The following RPE65 variants were observed in gnomAD, a reference collection of about 807,000 sequenced individuals.
RPE65 encodes the protein retinoid isomerohydrolase RPE65, also known as retinoid isomerohydrolase.
RPE65 carries 58 observed loss-of-function variants against 68.5 expected under a neutral mutation model. The ratio of observed to expected loss-of-function variants is 0.85; its 90% CI spans 0.69 to 1.05. The LOEUF is 1.05. Among genes scored for constraint, RPE65 ranks in the 50% least tolerant of loss-of-function variants. The probability of loss-of-function intolerance (pLI) is 0.00; values close to 1 mark genes in which losing one functional copy is unlikely to be tolerated. For synonymous variants in RPE65, 220 were observed against 222.2 expected (o/e 0.99, Z 0.09); for missense variants, 643 against 629.9 (o/e 1.02, Z -0.22).
chr1:68,446,047 G>A (rs1645940987), intron 3 of RPE65, among the ~76,000 whole-genome samples: 2 of 151,986 alleles, frequency 1.3e-5, no homozygotes, highest in South Asian at 4.2e-4. Context: ...GCTTGAACAC[G>A]AAAGCAGAAG....
intron 1 of RPE65, among the ~76,000 whole-genome samples, chr1:68,449,686 G>A (rs529971430): frequency 7.2e-5 from 11 of 152,114 alleles, no homozygotes; most frequent in South Asian, 4.2e-4. Flanking sequence ...TCCAAACCCC[G>A]GGCTAAGTCA....
In RPE65 at chr1:68,440,931, C is replaced by T. The variant is rs752990312; in HGVS notation, c.565G>A (p.Val189Ile). The stretch of plus-strand genomic sequence containing the variant: ...CCAAAGCAATTACCAATATTGTAAA[C>T]GGTTCCATCATTTTCAATGTGGGGG... ...AHPHIENDGT[V>I]YNIGNCFGKN... is the part of the protein sequence containing the mutation. Residue 189 changes from valine to isoleucine, a missense_variant, in exon 6 of 14, where the codon GTT becomes ATT. Val to Ile is a conservative substitution (Grantham distance 29). Coordinates refer to ENST00000262340, the MANE Select transcript of RPE65 (RefSeq NM_000329.3). 8.2e-5 allele frequency: 133 copies of T among 1,613,804 alleles called. 1 individual carries two copies. The highest frequency in any genetic ancestry group is 8.2e-4 in the Middle Eastern group (5 of 6,084).
intron 5 of RPE65, among the ~76,000 whole-genome samples, chr1:68,441,684 T>C (rs928621534): frequency 1.3e-5 from 2 of 152,158 alleles, no homozygotes; most frequent in African/African-American, 4.8e-5. Context: ...AAGTGTCTTG[T>C]TTAAGGATAA....
chr1:68,430,887 C>G (rs1413996891), intron 13 of RPE65, among the ~76,000 whole-genome samples, 178 bp downstream of exon 13: 1 of 152,088 alleles, frequency 6.6e-6, no homozygotes, highest in Non-Finnish European at 1.5e-5. Flanking sequence ...TCAACAAGAC[C>G]TGATCAAAAG....
Position 68,438,238 on chromosome 1 carries a change from C to G in RPE65, c.1077G>C (p.Lys359Asn), listed in dbSNP as rs559544081. Residue 359 changes from lysine to asparagine, a missense_variant, in exon 10 of 14, where the codon AAG (lysine) becomes AAC (asparagine). Physicochemically the swap from Lys to Asn is moderately conservative, Grantham distance 94. Transcript: ENST00000262340. ...ATCTCCTAACTTCAGGTTGGGGAGC[C>G]TTTCTGGCATTTTTTTTCACCTCTT... ...NWEEVKKNAR[K>N]APQPEVRRYV... The G allele has an allele frequency of 1.2e-6, 2 of 1,613,896 alleles. No homozygotes were observed. Among genetic ancestry groups the G allele is most frequent in the South Asian group, 1.1e-5 (1 of 91,080 alleles).
rs567413920 is a variant in RPE65, at chr1:68,435,670, T to A, written c.1128+2517A>T. Among the ~76,000 whole-genome samples, 175 of 152,358 alleles carry A rather than the reference T, an allele frequency of 1.1e-3. 1 individual carries two copies. The highest frequency in any genetic ancestry group is 4.1e-3 in the African/African-American group (169 of 41,584). On this transcript the variant is annotated intron_variant, in intron 10 of 13. Coordinates refer to ENST00000262340, the MANE Select transcript of RPE65 (RefSeq NM_000329.3). ...CTGTCTTTCCTCAAACTGTTCTTTCTGTCTTCAGTTGTTCTGCCTCAATCC... is the reference window on the plus strand; with the variant it reads ...CTGTCTTTCCTCAAACTGTTCTTTCAGTCTTCAGTTGTTCTGCCTCAATCC...
At chr1:68,445,600 G>A (rs188270712) in intron 3 of RPE65, among the ~76,000 whole-genome samples, 13 of 152,098 alleles carry the variant, frequency 8.5e-5, no homozygotes, top group Admixed American at 2.0e-4. Context: ...TGCAACCTCC[G>A]CCTCCTGGGT....
intron 10 of RPE65, among the ~76,000 whole-genome samples, chr1:68,432,452 A>C (rs542000817): frequency 2.0e-5 from 3 of 152,198 alleles, no homozygotes; most frequent in Non-Finnish European, 4.4e-5. Flanking sequence ...CAGAGGAGAC[A>C]AAACTCTTAG....
At chr1:68,444,316 ATGTGGCTCT>A (rs1645925671) in intron 5 of RPE65, among the ~76,000 whole-genome samples, 1 of 152,238 alleles carries the variant, frequency 6.6e-6, no homozygotes, top group Non-Finnish European at 1.5e-5. Context: ...TTGAAACTTA[ATGTGGCTCT>A]CATGTTCTTT....
chr1:68,443,963 A>G (rs1382559563), intron 5 of RPE65, among the ~76,000 whole-genome samples: 1 of 152,200 alleles, frequency 6.6e-6, no homozygotes, highest in Non-Finnish European at 1.5e-5. Context: ...AGAAGGGGCA[A>G]ATTAGTGCAA....
At chr1:68,431,648 G>C (rs1195087440) in intron 10 of RPE65, 63 bp from the exon 11 acceptor site, 1 of 1,382,326 alleles carries the variant, frequency 7.2e-7, no homozygotes, top group Non-Finnish European at 1.0e-6. Flanking sequence ...CAGAAATGCA[G>C]AGTTCTTAAG....
Position 68,444,584 on chromosome 1 carries a change from CTG to C in RPE65, c.440_441del (p.Thr147ArgfsTer9), listed in dbSNP as rs1201299067. The C allele has an allele frequency of 1.1e-5, 18 of 1,614,124 alleles. No homozygotes were observed. Among genetic ancestry groups the C allele is most frequent in the Non-Finnish European group, 1.4e-5 (16 of 1,180,016 alleles). ...YPVGEDYYAC[T>X]ETNFITKINP... Reference sequence around the variant, plus strand: ...TTAATCTTTGTAATAAAGTTGGTCTCTGTGCAAGCGTAGTAATCTTCCCCCAC... The same window carrying C: ...TTAATCTTTGTAATAAAGTTGGTCTCTGCAAGCGTAGTAATCTTCCCCCAC... On this transcript the variant is annotated frameshift_variant, in exon 5 of 14. Transcript: ENST00000262340. LOFTEE classifies it high-confidence loss of function.
intron 5 of RPE65, among the ~76,000 whole-genome samples, chr1:68,443,956 A>C (rs967323233): frequency 1.3e-4 from 20 of 152,322 alleles, no homozygotes; most frequent in African/African-American, 4.8e-4. Flanking sequence ...ATCTATAAGA[A>C]GGGGCAAATT....
At chr1:68,438,046 G>A in intron 10 of RPE65, 141 bp downstream of exon 10, 1 of 987,026 alleles carries the variant, frequency 1.0e-6, no homozygotes, top group South Asian at 1.6e-5. Flanking sequence ...TAAAATGAAG[G>A]AAGTTTAATT....
chr1:68,448,003 A>C (rs1176516025), intron 2 of RPE65, among the ~76,000 whole-genome samples: 3 of 152,242 alleles, frequency 2.0e-5, no homozygotes, highest in Admixed American at 1.3e-4. Context: ...TAATAATGAT[A>C]CTGATAGTAA....
intron 10 of RPE65, among the ~76,000 whole-genome samples, chr1:68,436,405 A>C (rs1461147872): frequency 6.6e-6 from 1 of 151,964 alleles, no homozygotes; most frequent in Admixed American, 6.6e-5. Context: ...CTATAAAGTA[A>C]AATTTATTCT....
chr1:68,431,705 G>A (rs1326264678), intron 10 of RPE65, 120 bp from the exon 11 acceptor site: 5 of 817,666 alleles, frequency 6.1e-6, no homozygotes, highest in Non-Finnish European at 1.0e-5. Context: ...GGGAGGAACT[G>A]CAGGAAGCTA....
chr1:68,446,651 G>A, intron 3 of RPE65, 59 bp downstream of exon 3: 1 of 1,609,986 alleles, frequency 6.2e-7, no homozygotes, highest in South Asian at 1.1e-5. Flanking sequence ...TCACATGGGA[G>A]GAGGAGCCAA....
At chr1:68,444,458 G>A (rs539706077) in intron 5 of RPE65, 73 bp downstream of exon 5, 7 of 1,567,970 alleles carry the variant, frequency 4.5e-6, no homozygotes, top group Non-Finnish European at 6.1e-6. Context: ...TTCGCAGCAT[G>A]AATAATTTAT....
Sources: gnomAD v4.1 joint callset for allele counts (sites outside exome capture counted in the v4.1 genomes callset) on GRCh38, gnomAD v4.1.1 for gene constraint, MANE v1.5 for transcripts, NCBI Gene and HGNC (gene_info 2026-07-23, HGNC 2026-07-21) for gene names.